Variants in CNBD1 observed in about 807,000 individuals in gnomAD.
CNBD1 encodes the protein cyclic nucleotide-binding domain-containing protein 1.
Under a neutral mutation model 54.4 loss-of-function variants are expected in CNBD1, and 71 were observed. That is an observed-to-expected ratio of 1.30 (90% confidence interval 1.08 to 1.59). The LOEUF is 1.59. Among genes scored for constraint, CNBD1 ranks in the 40% most tolerant of loss-of-function variants. The pLI, the probability that CNBD1 is intolerant of heterozygous loss-of-function variation, is 0.00. For synonymous variants in CNBD1, 182 were observed against 170.7 expected (o/e 1.07, Z -0.51); for missense variants, 659 against 518.0 (o/e 1.27, Z -2.64).
chr8:87,330,735 C>T (rs1183697046), intron 8 of CNBD1, among the ~76,000 whole-genome samples: 1 of 151,998 alleles, frequency 6.6e-6, no homozygotes, highest in African/African-American at 2.4e-5. Flanking sequence ...GTTCTATGTT[C>T]AGATAAGAAT....
At chr8:87,173,271 T>G (rs1490399312) in intron 4 of CNBD1, among the ~76,000 whole-genome samples, 1 of 152,334 alleles carries the variant, frequency 6.6e-6, no homozygotes, top group Non-Finnish European at 1.5e-5. Context: ...TTGTTTTTGA[T>G]TGGTTCATTA....
chr8:86,905,067 C>T lies in CNBD1; in HGVS notation c.159-14C>T. 1 of 1,519,150 alleles carries T rather than the reference C, an allele frequency of 6.6e-7. No homozygotes were observed. The highest frequency in any genetic ancestry group is 9.1e-7 in the Non-Finnish European group (1 of 1,101,054). 94.1% of individuals were successfully genotyped at this position (1,519,150 alleles called of 1,614,324 possible). A position where few individuals can be genotyped will look rare whatever the true frequency, so the allele number is the denominator to read the frequency against. On this transcript the variant is annotated splice_polypyrimidine_tract_variant and intron_variant, in intron 2 of 10. Coordinates refer to ENST00000518476, the MANE Select transcript of CNBD1 (RefSeq NM_173538.3). The stretch of plus-strand genomic sequence containing the variant: ...CTATGACACTTACAATTTAATTTCT[C>T]TCTTCTTTTTAAGCCGGAGTATGAG...
chr8:86,911,681 G>C (rs1163081692), intron 3 of CNBD1, among the ~76,000 whole-genome samples: 1 of 152,012 alleles, frequency 6.6e-6, no homozygotes, highest in Non-Finnish European at 1.5e-5. Context: ...TATTATCCTT[G>C]TTCATAAATG....
At chr8:87,013,129 C>G (rs1290444104) in intron 4 of CNBD1, among the ~76,000 whole-genome samples, 1 of 152,192 alleles carries the variant, frequency 6.6e-6, no homozygotes, top group Non-Finnish European at 1.5e-5. Context: ...AAGCAGGGGC[C>G]CATTGAAGCC....
At chr8:87,282,953 G>C (rs1808625097) in intron 6 of CNBD1, among the ~76,000 whole-genome samples, 1 of 151,992 alleles carries the variant, frequency 6.6e-6, no homozygotes, top group Non-Finnish European at 1.5e-5. Context: ...GCTTGGTTTG[G>C]ACAACTCACT....
At chr8:87,188,794 G>A (rs1233518895) in intron 4 of CNBD1, among the ~76,000 whole-genome samples, 2 of 145,894 alleles carry the variant, frequency 1.4e-5, no homozygotes, top group African/African-American at 5.0e-5. Context: ...ATAAATAAAT[G>A]AAGGAATGAA....
intron 8 of CNBD1, among the ~76,000 whole-genome samples, chr8:87,296,673 C>T (rs181841223): frequency 7.9e-5 from 12 of 151,192 alleles, no homozygotes; most frequent in African/African-American, 7.3e-5. Context: ...GTAATGCTGT[C>T]GTGACCAATG....
Position 87,322,216 on chromosome 8 carries a change from G to C in CNBD1, c.1043-29469G>C, listed in dbSNP as rs1230459050. 1.6e-5 allele frequency among the ~76,000 whole-genome samples: 2 copies of C among 122,100 alleles called. 1 individual carries two copies. Among genetic ancestry groups the C allele is most frequent in the Non-Finnish European group, 3.6e-5 (2 of 54,936 alleles). The allele number at this position is 122,100 out of a possible 152,430, so 80.1% of individuals were successfully genotyped here. ...TCCAGTCTATCATTGTTGGACATTTGGGTTGTTTCCAAGTCTTTGCTATTG... is the reference window on the plus strand; with the variant it reads ...TCCAGTCTATCATTGTTGGACATTTCGGTTGTTTCCAAGTCTTTGCTATTG... On this transcript the variant is annotated intron_variant, in intron 8 of 10. Transcript: ENST00000518476.
chr8:86,869,810 T>G (rs1235982902), intron 1 of CNBD1, among the ~76,000 whole-genome samples: 1 of 152,152 alleles, frequency 6.6e-6, no homozygotes, highest in Non-Finnish European at 1.5e-5. Context: ...TATAAGTTGA[T>G]TTCCTGAAGA....
intron 4 of CNBD1, among the ~76,000 whole-genome samples, chr8:87,092,533 GTA>G (rs1229791375): frequency 8.2e-5 from 10 of 122,216 alleles, no homozygotes; most frequent in East Asian, 2.3e-4. Context: ...GTGTATGTAT[GTA>G]TGTGTGTGTA....
At chr8:87,065,420 C>T (rs1053749588) in intron 4 of CNBD1, among the ~76,000 whole-genome samples, 1 of 151,922 alleles carries the variant, frequency 6.6e-6, no homozygotes, top group Non-Finnish European at 1.5e-5. Context: ...TGATGGACTT[C>T]AAATAGCACC....
intron 6 of CNBD1, among the ~76,000 whole-genome samples, chr8:87,242,922 C>T (rs953740876): frequency 2.0e-5 from 3 of 152,118 alleles, no homozygotes; most frequent in African/African-American, 7.2e-5. Context: ...GCTAGTCTGT[C>T]AATAACAAAA....
chr8:87,406,697 C>T (rs1807659456), intron 2 of CNBD1, among the ~76,000 whole-genome samples: 1 of 151,982 alleles, frequency 6.6e-6, no homozygotes, highest in East Asian at 1.9e-4. Context: ...TCAGGCTGGT[C>T]TCAAACTGCT....
At chr8:87,303,509 T>C (rs1048312574) in intron 8 of CNBD1, among the ~76,000 whole-genome samples, 8 of 151,984 alleles carry the variant, frequency 5.3e-5, no homozygotes, top group East Asian at 1.9e-4. Context: ...AAGACTTAAA[T>C]GTTAGACCTA....
At chr8:87,329,785 C>T (rs12548563) in intron 8 of CNBD1, among the ~76,000 whole-genome samples, 16,387 of 151,686 alleles carry the variant, frequency 0.11, 923 homozygotes, top group African/African-American at 0.14. Flanking sequence ...TTATTAGTTC[C>T]AGGAAATTTT....
intron 3 of CNBD1, among the ~76,000 whole-genome samples, chr8:86,924,785 T>A (rs965883373): frequency 6.6e-6 from 1 of 152,320 alleles, no homozygotes; most frequent in East Asian, 1.9e-4. Context: ...TTCTTTAATT[T>A]GAATTTGTAC....
At chr8:87,147,000 G>T (rs1217147009) in intron 4 of CNBD1, among the ~76,000 whole-genome samples, 1 of 152,028 alleles carries the variant, frequency 6.6e-6, no homozygotes, top group Non-Finnish European at 1.5e-5. Context: ...GGAATCAGTT[G>T]CTTGTCTGCA....
chr8:87,379,634 A>G (rs1356311366), intron 10 of CNBD1, among the ~76,000 whole-genome samples: 1 of 152,056 alleles, frequency 6.6e-6, no homozygotes, highest in Non-Finnish European at 1.5e-5. Context: ...ACATTAGCAA[A>G]TAATGTAATG....
At chr8:87,291,215 A>G (rs1012842107) in intron 8 of CNBD1, among the ~76,000 whole-genome samples, 1 of 152,000 alleles carries the variant, frequency 6.6e-6, no homozygotes, top group Non-Finnish European at 1.5e-5. Flanking sequence ...CTTTTTGTTC[A>G]TGTTTCTGCC....
Sources: gnomAD v4.1 joint callset for allele counts (sites outside exome capture counted in the v4.1 genomes callset) on GRCh38, gnomAD v4.1.1 for gene constraint, MANE v1.5 for transcripts, NCBI Gene and HGNC (gene_info 2026-07-23, HGNC 2026-07-21) for gene names.